Variants in RALGAPB observed in about 807,000 individuals in gnomAD.
RALGAPB encodes the protein Ral GTPase activating protein non-catalytic subunit beta, also known as ral GTPase-activating protein subunit beta.
Under a neutral mutation model 161.1 loss-of-function variants are expected in RALGAPB, and 25 were observed. The ratio of observed to expected loss-of-function variants is 0.16; its 90% CI spans 0.11 to 0.22. The LOEUF (loss-of-function observed/expected upper bound fraction) is 0.22, where lower values mean the gene tolerates loss of function less well. Among genes scored for constraint, RALGAPB ranks in the 10% least tolerant of loss-of-function variants. RALGAPB has a pLI of 1.00. For synonymous variants in RALGAPB, 629 were observed against 626.1 expected, an observed-to-expected ratio of 1.00 and a Z score of -0.07; for missense variants, 1,391 against 1,815.2, an observed-to-expected ratio of 0.77 and a Z score of 4.25.
chr20:38,513,267 G>C (rs1001055198), intron 6 of RALGAPB, among the ~76,000 whole-genome samples: 2 of 151,934 alleles, frequency 1.3e-5, no homozygotes, highest in African/African-American at 4.8e-5. Context: ...ACTTTGGGAG[G>C]CCAAGGTGGG....
intron 1 of RALGAPB, among the ~76,000 whole-genome samples, chr20:38,473,295 C>T (rs1022888352): frequency 1.3e-5 from 2 of 152,106 alleles, no homozygotes; most frequent in South Asian, 4.1e-4. Flanking sequence ...CCGGTCTAAT[C>T]CTTGGGAGCT....
In RALGAPB at chr20:38,517,572, G is replaced by C; in HGVS notation, c.1118G>C (p.Ser373Thr). ...GTGAATAGATTAAGTATGCCTCAAA[G>C]TGCTGCTGTCAGTACCACCCCCCCA... ...TPVNRLSMPQ[S>T]AAVSTTPPHN... Residue 373 changes from serine (S) to threonine (T), a missense_variant, in exon 8 of 30, where the codon AGT (serine) becomes ACT (threonine). This residue lies in a region of RALGAPB where 946 missense variants were observed against 1,257.2 expected (regional missense o/e 0.75). Transcript: ENST00000262879. 1 of 1,613,372 alleles carries C rather than the reference G, an allele frequency of 6.2e-7. No homozygotes were observed. The highest frequency in any genetic ancestry group is 1.1e-5 in the South Asian group (1 of 91,046).
At chr20:38,510,208 A>G (rs1262894398) in intron 6 of RALGAPB, among the ~76,000 whole-genome samples, 2 of 151,726 alleles carry the variant, frequency 1.3e-5, no homozygotes, top group Non-Finnish European at 2.9e-5. Flanking sequence ...GGGTCTTCCT[A>G]CGTTGCCCAG....
chr20:38,556,068 A>C (rs1479006818), intron 22 of RALGAPB, among the ~76,000 whole-genome samples: 1 of 152,190 alleles, frequency 6.6e-6, no homozygotes, highest in African/African-American at 2.4e-5. Flanking sequence ...TACTAGAATC[A>C]TATTCTGATT....
In RALGAPB at chr20:38,575,264, CTT is replaced by C. The variant is rs2088395136; in HGVS notation, c.*300_*301del. The C allele has an allele frequency of 3.6e-5, 10 of 275,250 alleles. No individual in the cohort carries two copies. The South Asian group carries it at 6.6e-4, about 18-fold the overall frequency. 17.1% of individuals were successfully genotyped at this position (275,250 alleles called of 1,614,324 possible). A position where few individuals can be genotyped will look rare whatever the true frequency, so the allele number is the denominator to read the frequency against. On this transcript the variant is annotated 3_prime_UTR_variant, in exon 30 of 30. Coordinates refer to ENST00000262879, the MANE Select transcript of RALGAPB (RefSeq NM_020336.4). Reference sequence around the variant, plus strand: ...AACATAAGCCTTTTGAGGAGAAAGGCTTTTATGCATCTCAGTTAAACACGTGC... The same window carrying C: ...AACATAAGCCTTTTGAGGAGAAAGGCTTATGCATCTCAGTTAAACACGTGC...
intron 2 of RALGAPB, among the ~76,000 whole-genome samples, chr20:38,491,044 C>CT (rs2085266267): frequency 1.3e-5 from 2 of 152,186 alleles, no homozygotes; most frequent in Admixed American, 6.5e-5. Flanking sequence ...TTTAGAATCT[C>CT]TTCTCTTATG....
chr20:38,560,558 T>G (rs916389445), intron 23 of RALGAPB, among the ~76,000 whole-genome samples: 4 of 152,190 alleles, frequency 2.6e-5, no homozygotes, highest in African/African-American at 9.7e-5. Flanking sequence ...GTCAAGTGTT[T>G]TAGAAGAAGC....
At chr20:38,508,392 A>C (rs1296053706) in intron 5 of RALGAPB, among the ~76,000 whole-genome samples, 3 of 152,114 alleles carry the variant, frequency 2.0e-5, no homozygotes, top group Non-Finnish European at 2.9e-5. Flanking sequence ...CAGAAAGAGA[A>C]GAGATGCAAG....
At chr20:38,492,852 A>C in intron 2 of RALGAPB, 78 bp from the exon 3 acceptor site, 1 of 1,219,308 alleles carries the variant, frequency 8.2e-7, no homozygotes, top group South Asian at 1.4e-5. Context: ...TTTGGCAATA[A>C]AAGAGATTGA....
chr20:38,559,912 T>A (rs193229015), intron 23 of RALGAPB, among the ~76,000 whole-genome samples: 11 of 152,294 alleles, frequency 7.2e-5, no homozygotes, highest in Non-Finnish European at 1.6e-4. Flanking sequence ...GGAAGACTTG[T>A]AAAATGTCGT....
At chr20:38,561,593 G>A (rs576334298) in intron 23 of RALGAPB, among the ~76,000 whole-genome samples, 2 of 152,274 alleles carry the variant, frequency 1.3e-5, no homozygotes, top group South Asian at 2.1e-4. Context: ...CAGGCGAAGA[G>A]AACCTTATTT....
At chr20:38,497,026 C>G (rs950017819) in intron 3 of RALGAPB, among the ~76,000 whole-genome samples, 16 of 152,166 alleles carry the variant, frequency 1.1e-4, no homozygotes, top group African/African-American at 3.9e-4. Context: ...GTTCATTCAA[C>G]AAAAACCTAT....
At position 38,576,667 on chromosome 20, in the gene RALGAPB, A is replaced by T. The variant is rs1468698361; in HGVS notation, c.*1700A>T. 6.6e-6 allele frequency: 1 copy of T among 152,552 alleles called. No homozygotes were observed. The highest frequency in any genetic ancestry group is 1.5e-5 in the Non-Finnish European group (1 of 68,044). 9.4% of individuals were successfully genotyped at this position (152,552 alleles called of 1,614,324 possible). On this transcript the variant is annotated 3_prime_UTR_variant, in exon 30 of 30. Transcript: ENST00000262879. ...GATGGTAACATGGGAGAGGGCATAT[A>T]GGATAAAGATGAGCAAATTCTACCC...
At chr20:38,534,745 T>C (rs1259444376) in intron 15 of RALGAPB, among the ~76,000 whole-genome samples, 1 of 152,250 alleles carries the variant, frequency 6.6e-6, no homozygotes, top group African/African-American at 2.4e-5. Flanking sequence ...TTTTCATCAC[T>C]CTTTTTGAAA....
Position 38,492,992 on chromosome 20 carries a change from A to G in RALGAPB, c.249A>G (p.Val83=). 1 of 1,612,798 alleles carries G rather than the reference A, an allele frequency of 6.2e-7. No individual in the cohort carries two copies. The highest frequency in any genetic ancestry group is 8.5e-7 in the Non-Finnish European group (1 of 1,178,916). Residue 83 remains valine, a synonymous_variant, in exon 3 of 30, where the codon GTA becomes GTG. Coordinates refer to ENST00000262879, the MANE Select transcript of RALGAPB (RefSeq NM_020336.4). ...GLTLPLDGET[V]KYCVDVYTDW... is the part of the protein sequence containing the mutation. The stretch of plus-strand genomic sequence containing the variant: ...CCCTTCCATTGGATGGAGAGACTGT[A>G]AAATATTGCGTTGATGTATATACAG...
At position 38,548,789 on chromosome 20, in the gene RALGAPB, T is replaced by C; in HGVS notation, c.3003T>C (p.Asn1001=). 6.2e-7 allele frequency: 1 copy of C among 1,607,904 alleles called. No individual in the cohort carries two copies. The highest frequency in any genetic ancestry group is 2.2e-5 in the East Asian group (1 of 44,870). Residue 1001 remains asparagine (N), a synonymous_variant, in exon 20 of 30, where the codon AAT becomes AAC. Coordinates refer to ENST00000262879, the MANE Select transcript of RALGAPB (RefSeq NM_020336.4). ...TTTTACCCAGAGGAGCAAAAGCAAATCAGAAGGTATTCATCAGAAGTTACA... is the reference window on the plus strand; with the variant it reads ...TTTTACCCAGAGGAGCAAAAGCAAACCAGAAGGTATTCATCAGAAGTTACA... The part of the protein sequence containing the change: ...LCLLPRGAKA[N]QKLFVPEPRP...
chr20:38,517,517 C>A lies in RALGAPB; in HGVS notation c.1063C>A (p.Pro355Thr), dbSNP rs748241041. ...TTTTTTTTTTTAAGGTATTTCTAGA[C>A]CCCGATCAGACAGTGCTCCCCCAAC... ...LVDAFLGISR[P>T]RSDSAPPTPV... Residue 355 changes from proline to threonine, a missense_variant, in exon 8 of 30, where the codon CCC becomes ACC. Coordinates refer to ENST00000262879, the MANE Select transcript of RALGAPB (RefSeq NM_020336.4). 5 of 1,565,616 alleles carry A rather than the reference C, an allele frequency of 3.2e-6. No individual in the cohort carries two copies. The highest frequency in any genetic ancestry group is 4.3e-6 in the Non-Finnish European group (5 of 1,161,126).
At chr20:38,484,359 A>G (rs1284492292) in intron 1 of RALGAPB, among the ~76,000 whole-genome samples, 1 of 152,100 alleles carries the variant, frequency 6.6e-6, no homozygotes, top group East Asian at 1.9e-4. Flanking sequence ...CCCAGCAACA[A>G]AGGTGGGTTG....
Position 38,517,912 on chromosome 20 carries a change from C to T in RALGAPB, c.1329C>T (p.Ile443=), listed in dbSNP as rs1158147683. 1 of 1,614,080 alleles carries T rather than the reference C, an allele frequency of 6.2e-7. No individual in the cohort carries two copies. The highest frequency in any genetic ancestry group is 1.3e-5 in the African/African-American group (1 of 75,046). Residue 443 remains isoleucine, a synonymous_variant, in exon 9 of 30, where the codon ATC becomes ATT. Transcript: ENST00000262879. The part of the protein sequence containing the change: ...PAPRRPKVNS[I]LNLFGSWLFD... ...CTCGGAGACCAAAGGTTAACAGCAT[C>T]TTGAATCTCTTTGGATCATGGTTAT... is the stretch of plus-strand genomic sequence containing the variant.
Sources: gnomAD v4.1 joint callset for allele counts (sites outside exome capture counted in the v4.1 genomes callset) on GRCh38, gnomAD v4.1.1 for gene constraint, gnomAD v4.1.1 regional missense constraint, MANE v1.5 for transcripts, NCBI Gene and HGNC (gene_info 2026-07-23, HGNC 2026-07-21) for gene names.